The following CANX variants were observed in gnomAD, a reference collection of about 807,000 sequenced individuals.
The protein encoded by CANX is epididymis secretory sperm binding protein.
CANX carries 14 observed loss-of-function variants against 75.7 expected under a neutral mutation model. That is an observed-to-expected ratio of 0.19 (90% CI 0.12 to 0.29). CANX has a LOEUF of 0.29. CANX is among the 10% of genes least tolerant of loss of function. CANX has a pLI of 1.00. For missense variants in CANX, 567 were observed against 713.2 expected, an observed-to-expected ratio of 0.79 and a Z score of 2.34; for synonymous variants, 227 against 236.9, an observed-to-expected ratio of 0.96 and a Z score of 0.38.
intron 9 of CANX, among the ~76,000 whole-genome samples, chr5:179,720,031 G>T (rs552204908): frequency 6.6e-6 from 1 of 151,646 alleles, no homozygotes; most frequent in Non-Finnish European, 1.5e-5. Context: ...GACTTTCACC[G>T]TGTTGGCCAG....
intron 14 of CANX, among the ~76,000 whole-genome samples, chr5:179,727,894 T>A (rs1236225978): frequency 6.6e-6 from 1 of 152,222 alleles, no homozygotes; most frequent in East Asian, 1.9e-4. Flanking sequence ...CATTGCTTAC[T>A]AAAGTCCTTT....
chr5:179,719,240 G>A lies in CANX; in HGVS notation c.912-428G>A, dbSNP rs187419557. ...TACTTTCCCACCAGCAGTGTATGAG[G>A]GTTTCAGTTTCTCTGCGTTCTTTCC... On this transcript the variant is annotated intron_variant, in intron 8 of 14. Transcript: ENST00000247461. 6.1e-4 allele frequency among the ~76,000 whole-genome samples: 93 copies of A among 152,262 alleles called. 1 individual carries two copies. In the East Asian group the frequency reaches 0.015, roughly 25 times the overall value.
intron 11 of CANX, 118 bp downstream of exon 11, chr5:179,723,137 A>G (rs1778419694): frequency 1.1e-5 from 9 of 800,274 alleles, no homozygotes; most frequent in Non-Finnish European, 1.9e-5. Context: ...AAGTATAACC[A>G]TATGCCTGCA....
chr5:179,682,315 G>T (rs143353364), intron 1 of CANX, among the ~76,000 whole-genome samples: 52 of 151,808 alleles, frequency 3.4e-4, no homozygotes, highest in African/African-American at 1.0e-3. Flanking sequence ...GGTGGCTCAC[G>T]CCTGTAATCC....
At chr5:179,726,654 G>A in intron 13 of CANX, 26 bp from the exon 14 acceptor site, 1 of 1,496,352 alleles carries the variant, frequency 6.7e-7, no homozygotes, top group Non-Finnish European at 9.3e-7. Context: ...ATAAGGTTTT[G>A]CTCAGTTGTT....
chr5:179,700,757 AGTTAGAGTTC>A (rs1241363812), intron 1 of CANX: 2 of 153,170 alleles, frequency 1.3e-5, no homozygotes, highest in Non-Finnish European at 2.9e-5. Context: ...GCATCCTTTT[AGTTAGAGTTC>A]TCTTTGCCCT....
chr5:179,722,951 C>A lies in CANX; in HGVS notation c.1330C>A (p.Arg444=), dbSNP rs369795296. 2.5e-6 allele frequency: 4 copies of A among 1,613,962 alleles called. No homozygotes were observed. Among genetic ancestry groups the A allele is most frequent in the Non-Finnish European group, 8.5e-7 (1 of 1,180,000 alleles). The change falls in exon 11 of 15, where the codon CGA becomes AGA. Residue 444 remains arginine, a synonymous_variant. Transcript: ENST00000247461. ...TGACAACTTTATCATTTGTGCTGAT[C>A]GAAGAATAGTTGATGATTGGGCCAA... ...FFDNFIICAD[R]RIVDDWANDG...
At chr5:179,679,016 G>A (rs1229801303) in intron 1 of CANX, 12 of 1,535,584 alleles carry the variant, frequency 7.8e-6, no homozygotes, top group Middle Eastern at 1.7e-4. Context: ...GGACAGGGAG[G>A]GCATGCGGCG....
rs919060395 is a variant in CANX at position 179,725,826 on chromosome 5, TAAAATA to T, written c.1646-849_1646-844del. Among the ~76,000 whole-genome samples the T allele has an allele frequency of 2.2e-5, 3 of 135,722 alleles. No individual in the cohort carries two copies. The Admixed American group carries it at 2.2e-4, about 10-fold the overall frequency. The allele number at this position is 135,722 out of a possible 152,430, so 89.0% of individuals were successfully genotyped here. ...AACACAGTGAAGCCCCGTCTCTACT[TAAAATA>T]AAAAAGTTAGCCAGGCATGGTGGCG... On this transcript the variant is annotated intron_variant, in intron 13 of 14. Coordinates refer to ENST00000247461, the MANE Select transcript of CANX (RefSeq NM_001746.4).
rs763601463 is a variant in CANX, at chr5:179,708,248, A to G, written c.314A>G (p.Glu105Gly). 6.2e-7 allele frequency: 1 copy of G among 1,613,248 alleles called. No individual in the cohort carries two copies. The highest frequency in any genetic ancestry group is 1.1e-5 in the South Asian group (1 of 91,056). Residue 105 changes from glutamate to glycine, a missense_variant, in exon 5 of 15, where the codon GAG becomes GGG. By Grantham distance (98) the Glu-to-Gly change is moderately conservative. Transcript: ENST00000247461. ...TTGTGTTGTCTTGTAGGAAAGTGGG[A>G]GGTAGAGGAAATGAAGGAGTCAAAG... ...DEIAKYDGKWEVEEMKESKLP... is the reference protein window; with the variant it reads ...DEIAKYDGKWGVEEMKESKLP...
At chr5:179,725,577 G>A (rs553412191) in intron 13 of CANX, among the ~76,000 whole-genome samples, 1 of 151,484 alleles carries the variant, frequency 6.6e-6, no homozygotes, top group East Asian at 2.0e-4. Context: ...CTACTCAGGA[G>A]GCTGAGGCAG....
At chr5:179,713,189 C>T (rs1457035418) in intron 7 of CANX, among the ~76,000 whole-genome samples, 1 of 152,034 alleles carries the variant, frequency 6.6e-6, no homozygotes, top group Non-Finnish European at 1.5e-5. Flanking sequence ...TCCAGTGATT[C>T]TCCCGTCTCA....
chr5:179,682,517 C>T (rs551383304), intron 1 of CANX, among the ~76,000 whole-genome samples: 6 of 152,024 alleles, frequency 3.9e-5, no homozygotes, highest in Non-Finnish European at 5.9e-5. Flanking sequence ...TTGAGACCAG[C>T]GTGACCAACA....
At chr5:179,710,694 C>T (rs1286420418) in intron 7 of CANX, among the ~76,000 whole-genome samples, 2 of 19,914 alleles carry the variant, frequency 1.0e-4, no homozygotes, top group East Asian at 2.0e-3. Context: ...GGAGACAGAG[C>T]AAGACTCCAT....
intron 14 of CANX, among the ~76,000 whole-genome samples, chr5:179,728,220 G>A (rs1031558451): frequency 6.6e-6 from 1 of 152,180 alleles, no homozygotes; most frequent in Admixed American, 6.5e-5. Context: ...TACTTGGATA[G>A]CCTTCCATCT....
chr5:179,686,133 C>G (rs377255604), intron 1 of CANX, among the ~76,000 whole-genome samples: 1 of 119,186 alleles, frequency 8.4e-6, no homozygotes, highest in African/African-American at 3.0e-5. Context: ...GAGTCTCGCT[C>G]TGTCACCAGG....
chr5:179,714,812 C>T (rs1444981342), intron 7 of CANX, among the ~76,000 whole-genome samples: 4 of 152,084 alleles, frequency 2.6e-5, no homozygotes, highest in South Asian at 2.1e-4. Context: ...CCACTGCGCC[C>T]GGCCCTTTTT....
At chr5:179,689,379 GTTTTTTTTT>G (rs958473912) in intron 1 of CANX, among the ~76,000 whole-genome samples, 1 of 83,674 alleles carries the variant, frequency 1.2e-5, no homozygotes, top group Admixed American at 1.6e-4. Context: ...AACCCAACAA[GTTTTTTTTT>G]TTTTTTTTTT....
intron 1 of CANX, among the ~76,000 whole-genome samples, chr5:179,684,358 C>T (rs1776143944): frequency 6.6e-6 from 1 of 150,986 alleles, no homozygotes; most frequent in African/African-American, 2.4e-5. Flanking sequence ...GCTAGGATTA[C>T]AGGCAGGAGC....
Sources: gnomAD v4.1 joint callset for allele counts (sites outside exome capture counted in the v4.1 genomes callset) on GRCh38, gnomAD v4.1.1 for gene constraint, MANE v1.5 for transcripts, NCBI Gene and HGNC (gene_info 2026-07-23, HGNC 2026-07-21) for gene names.